Variants in KCNU1 observed in about 807,000 individuals in gnomAD.
KCNU1 encodes potassium calcium-activated channel subfamily U member 1, also known as potassium channel subfamily U member 1.
In KCNU1, 93 loss-of-function variants were observed where a neutral mutation model predicts 126.8. The ratio of observed to expected loss-of-function variants is 0.73; its 90% CI spans 0.62 to 0.87. The LOEUF (loss-of-function observed/expected upper bound fraction) is 0.87, where lower values mean the gene tolerates loss of function less well. KCNU1 is among the 40% of genes least tolerant of loss of function. The probability of loss-of-function intolerance (pLI) is 0.00; values close to 1 mark genes in which losing one functional copy is unlikely to be tolerated. For missense variants in KCNU1, 1,330 were observed against 1,367.1 expected, an observed-to-expected ratio of 0.97 and a Z score of 0.43; for synonymous variants, 523 against 494.2, an observed-to-expected ratio of 1.06 and a Z score of -0.77.
At position 36,808,723 on chromosome 8, in the gene KCNU1, C is replaced by T. The variant is rs760610685; in HGVS notation, c.662C>T (p.Ser221Leu). ...CTTTGTCTCTCTTCCTCTAGTAACT[C>T]AGTGAAGTTTTCCAAACTGCTGTCA... ...QILRAIKTSN[S>L]VKFSKLLSII... is the part of the protein sequence containing the mutation. Residue 221 changes from serine (S) to leucine (L), a missense_variant, in exon 7 of 27, where the codon TCA becomes TTA. Ser to Leu is a moderately radical substitution (Grantham distance 145, BLOSUM62 -2). Around this residue, in one of 3 missense-constraint regions of KCNU1, gnomAD observed 247 missense variants for 255.4 expected, o/e 0.97. Transcript: ENST00000399881. 2 of 1,605,216 alleles carry T rather than the reference C, an allele frequency of 1.2e-6. No individual in the cohort carries two copies. Among genetic ancestry groups the T allele is most frequent in the South Asian group, 1.1e-5 (1 of 90,120 alleles).
chr8:36,797,674 T>C (rs889931003), intron 2 of KCNU1, among the ~76,000 whole-genome samples: 16 of 152,048 alleles, frequency 1.1e-4, no homozygotes, highest in Admixed American at 1.0e-3. Context: ...TCATTTGCCA[T>C]GGGGAAGTGT....
At chr8:36,836,470 A>T (rs891113450) in intron 13 of KCNU1, 105 bp downstream of exon 13, 1 of 776,934 alleles carries the variant, frequency 1.3e-6, no homozygotes. Flanking sequence ...TTTGCTAATC[A>T]TAGGTAAAAT....
chr8:36,851,369 T>G (rs185679876), intron 18 of KCNU1, among the ~76,000 whole-genome samples: 1 of 130,716 alleles, frequency 7.7e-6, no homozygotes, highest in African/African-American at 2.6e-5. Context: ...GTGTGGCACT[T>G]CCCTTCTCTC....
chr8:36,816,319 C>G (rs1035862196), intron 9 of KCNU1, among the ~76,000 whole-genome samples: 1 of 151,870 alleles, frequency 6.6e-6, no homozygotes, highest in African/African-American at 2.4e-5. Flanking sequence ...ACCTTAGCTT[C>G]CATTAGGTTT....
chr8:36,810,073 GA>G (rs1440344763), intron 7 of KCNU1, among the ~76,000 whole-genome samples: 1 of 152,128 alleles, frequency 6.6e-6, no homozygotes, highest in Non-Finnish European at 1.5e-5. Context: ...CCAACATGGT[GA>G]AATCCTGTCT....
intron 26 of KCNU1, among the ~76,000 whole-genome samples, chr8:36,934,302 G>A (rs1808789724): frequency 6.6e-6 from 1 of 152,042 alleles, no homozygotes; most frequent in Non-Finnish European, 1.5e-5. Flanking sequence ...CTGCACTAGA[G>A]TTTGAAAGAA....
intron 19 of KCNU1, among the ~76,000 whole-genome samples, chr8:36,875,913 C>G (rs540618088): frequency 1.3e-5 from 2 of 152,266 alleles, no homozygotes; most frequent in East Asian, 3.9e-4. Flanking sequence ...ATATCTGCTG[C>G]CAGGACCATG....
rs142271802 is a variant in KCNU1 at position 36,905,644 on chromosome 8, T to A, written c.2010-64T>A. ...GCTCAAGGCTCTAATGAGTTTTACATCTCGGCTTTGTTACAGAGGAGCTCC... is the reference window on the plus strand; with the variant it reads ...GCTCAAGGCTCTAATGAGTTTTACAACTCGGCTTTGTTACAGAGGAGCTCC... On this transcript the variant is annotated intron_variant, in intron 19 of 26. Transcript: ENST00000399881. The A allele has an allele frequency of 7.2e-4, 630 of 875,962 alleles. 2 individuals carry two copies. Among genetic ancestry groups the A allele is most frequent in the East Asian group, 7.0e-3 (288 of 41,306 alleles). 54.3% of individuals were successfully genotyped at this position (875,962 alleles called of 1,614,324 possible). A position where few individuals can be genotyped will look rare whatever the true frequency, so the allele number is the denominator to read the frequency against.
At chr8:36,791,008 A>AG (rs1802883035) in intron 2 of KCNU1, among the ~76,000 whole-genome samples, 1 of 152,010 alleles carries the variant, frequency 6.6e-6, no homozygotes, top group Non-Finnish European at 1.5e-5. Flanking sequence ...GAAAAAAAAA[A>AG]AAAGGAAAAA....
intron 14 of KCNU1, among the ~76,000 whole-genome samples, chr8:36,839,507 A>C (rs1218770278): frequency 6.6e-6 from 1 of 152,218 alleles, no homozygotes; most frequent in African/African-American, 2.4e-5. Flanking sequence ...AAGGGAAAAG[A>C]TTCATTCAGC....
intron 2 of KCNU1, among the ~76,000 whole-genome samples, chr8:36,800,515 C>G (rs1486037209): frequency 6.6e-6 from 1 of 152,222 alleles, no homozygotes; most frequent in Admixed American, 6.5e-5. Flanking sequence ...GCTGTTGTCA[C>G]TAGCCAAGAG....
rs1211368475 is a variant in KCNU1 at position 36,836,277 on chromosome 8, G to T, written c.1296-19G>T. 3 of 1,530,198 alleles carry T rather than the reference G, an allele frequency of 2.0e-6. No homozygotes were observed. The African/African-American group carries it at 4.1e-5, about 21-fold the overall frequency. 94.8% of individuals were successfully genotyped at this position (1,530,198 alleles called of 1,614,324 possible). ...TGGCTATGACACATGACTAATGAGA[G>T]TGTTTGGGGTTTATATAGGGTGCTC... On this transcript the variant is annotated intron_variant, in intron 12 of 26. Transcript: ENST00000399881.
At position 36,836,858 on chromosome 8, in the gene KCNU1, A is replaced by T. The variant is rs1435462083; in HGVS notation, c.1431A>T (p.Glu477Asp). 5 of 1,613,870 alleles carry T rather than the reference A, an allele frequency of 3.1e-6. No individual in the cohort carries two copies. Among genetic ancestry groups the T allele is most frequent in the Non-Finnish European group, 4.2e-6 (5 of 1,179,788 alleles). Residue 477 changes from glutamate (E) to aspartate (D), a missense_variant, in exon 14 of 27, where the codon GAA becomes GAT. Coordinates refer to ENST00000399881, the MANE Select transcript of KCNU1 (RefSeq NM_001031836.3). ...GAGACAACATCATCTGCTTTGCTGA[A>T]TTAAAACTTGGATTTATCGCCCAAG... ...DTGDNIICFA[E>D]LKLGFIAQGC...
intron 22 of KCNU1, among the ~76,000 whole-genome samples, chr8:36,913,209 A>C (rs1209596274): frequency 6.6e-6 from 1 of 152,080 alleles, no homozygotes; most frequent in Non-Finnish European, 1.5e-5. Context: ...TCAACAAAAA[A>C]ATATTGATTT....
chr8:36,848,682 T>A (rs1019973834), intron 18 of KCNU1, among the ~76,000 whole-genome samples: 1 of 152,184 alleles, frequency 6.6e-6, no homozygotes, highest in Non-Finnish European at 1.5e-5. Flanking sequence ...TCCACATTTC[T>A]CCCCGCGTAC....
intron 19 of KCNU1, among the ~76,000 whole-genome samples, chr8:36,885,791 T>TA (rs1057405882): frequency 8.0e-5 from 12 of 149,982 alleles, no homozygotes; most frequent in African/African-American, 1.2e-4. Flanking sequence ...AGACTCTGTC[T>TA]AAAAAAAAAG....
chr8:36,826,201 T>G (rs1804314623), intron 10 of KCNU1, among the ~76,000 whole-genome samples: 1 of 151,280 alleles, frequency 6.6e-6, no homozygotes, highest in Non-Finnish European at 1.5e-5. Flanking sequence ...TATTTTTTAT[T>G]ATTTATTTTA....
chr8:36,833,435 T>C, intron 10 of KCNU1, 119 bp from the exon 11 acceptor site: 5 of 537,728 alleles, frequency 9.3e-6, no homozygotes, highest in South Asian at 5.6e-5. Context: ...ACTTGATTTG[T>C]ATTTTTTCAT....
Position 36,814,322 on chromosome 8 carries a change from T to C in KCNU1, c.848T>C (p.Val283Ala). 1 of 1,613,120 alleles carries C rather than the reference T, an allele frequency of 6.2e-7. No individual in the cohort carries two copies. Among genetic ancestry groups the C allele is most frequent in the Non-Finnish European group, 8.5e-7 (1 of 1,179,354 alleles). ...TCAACCGTTGGATTTGGAGATGTGG[T>C]AGCCAAGACATCCTTAGGACGGACC... The part of the protein sequence containing the change: ...TTSTVGFGDV[V>A]AKTSLGRTFI... Residue 283 changes from valine (V) to alanine (A), a missense_variant, in exon 8 of 27, where the codon GTA becomes GCA. This residue lies in a region of KCNU1 where 1,054 missense variants were observed against 1,053.9 expected (regional missense o/e 1.00). Coordinates refer to ENST00000399881, the MANE Select transcript of KCNU1 (RefSeq NM_001031836.3).
Sources: gnomAD v4.1 joint callset for allele counts (sites outside exome capture counted in the v4.1 genomes callset) on GRCh38, gnomAD v4.1.1 for gene constraint, gnomAD v4.1.1 regional missense constraint, MANE v1.5 for transcripts, NCBI Gene and HGNC (gene_info 2026-07-23, HGNC 2026-07-21) for gene names.